Variants in B3GALT1 observed in about 807,000 individuals in gnomAD.
B3GALT1 encodes UDP-Gal:betaGlcNAc beta 1,3-galactosyltransferase, polypeptide 1.
Under a neutral mutation model 23.2 loss-of-function variants are expected in B3GALT1, and 10 were observed. The observed-to-expected ratio is 0.43, with a 90% CI of 0.27 to 0.73. The LOEUF is 0.73. Among genes scored for constraint, B3GALT1 ranks in the 30% least tolerant of loss-of-function variants. B3GALT1 has a pLI of 0.21. For synonymous variants in B3GALT1, 156 were observed against 141.5 expected (o/e 1.10, Z -0.73); for missense variants, 299 against 405.4 (o/e 0.74, Z 2.25).
chr2:167,398,433 ATCTCTCTAT>A (rs1559084923), intron 1 of B3GALT1, among the ~76,000 whole-genome samples: 2 of 151,836 alleles, frequency 1.3e-5, no homozygotes, highest in Non-Finnish European at 2.9e-5. Context: ...CTCTATTGCT[ATCTCTCTAT>A]TCTCCAACAT....
At chr2:167,628,144 G>T (rs13414914) in intron 2 of B3GALT1, among the ~76,000 whole-genome samples, 1,962 of 151,744 alleles carry the variant, frequency 0.013, 63 homozygotes, top group Admixed American at 0.065. Flanking sequence ...CTTTTTCCCA[G>T]TCTGTGGCCT....
intron 2 of B3GALT1, among the ~76,000 whole-genome samples, chr2:167,615,397 G>T (rs756645417): frequency 6.6e-6 from 1 of 151,928 alleles, no homozygotes; most frequent in Non-Finnish European, 1.5e-5. Flanking sequence ...GGAGGGTGAG[G>T]AGAGTAGGAA....
At chr2:167,454,944 T>G (rs1559102268) in intron 1 of B3GALT1, among the ~76,000 whole-genome samples, 1 of 152,182 alleles carries the variant, frequency 6.6e-6, no homozygotes. Context: ...CTGCTGGTTG[T>G]GCATTTCTGT....
At chr2:167,386,475 A>G (rs1406528403) in intron 1 of B3GALT1, among the ~76,000 whole-genome samples, 2 of 152,188 alleles carry the variant, frequency 1.3e-5, no homozygotes, top group African/African-American at 4.8e-5. Context: ...TGTTTTCAAA[A>G]TATGTAACAA....
chr2:167,632,618 C>T (rs1685470556), intron 2 of B3GALT1, among the ~76,000 whole-genome samples: 1 of 151,736 alleles, frequency 6.6e-6, no homozygotes, highest in Non-Finnish European at 1.5e-5. Flanking sequence ...CTGTTTATAT[C>T]CTTTGCCCAC....
chr2:167,714,472 C>G (rs1032466617), intron 3 of B3GALT1: 1 of 1,599,400 alleles, frequency 6.3e-7, no homozygotes, highest in Non-Finnish European at 8.6e-7. Flanking sequence ...GAAAAGCTCT[C>G]GTTTCAGATG....
intron 1 of B3GALT1, among the ~76,000 whole-genome samples, chr2:167,390,264 T>C (rs193291263): frequency 6.6e-6 from 1 of 152,284 alleles, no homozygotes; most frequent in Non-Finnish European, 1.5e-5. Flanking sequence ...ATAGAGTTGC[T>C]CCTGGTGTGG....
chr2:167,832,884 T>C (rs1370401096), intron 4 of B3GALT1, among the ~76,000 whole-genome samples: 1 of 152,188 alleles, frequency 6.6e-6, no homozygotes, highest in Non-Finnish European at 1.5e-5. Flanking sequence ...TACATGAACA[T>C]GGGTTCCTTC....
At chr2:167,625,113 G>GA (rs1045615052) in intron 2 of B3GALT1, among the ~76,000 whole-genome samples, 2 of 151,812 alleles carry the variant, frequency 1.3e-5, no homozygotes, top group African/African-American at 4.8e-5. Flanking sequence ...TGGAACTTCA[G>GA]AAAAAAATTG....
At chr2:167,529,525 TG>T (rs112531614) in intron 2 of B3GALT1, among the ~76,000 whole-genome samples, 4,127 of 150,750 alleles carry the variant, frequency 0.027, 152 homozygotes, top group East Asian at 0.11. Flanking sequence ...GTAACTGAGA[TG>T]GGGACAGCTG....
intron 1 of B3GALT1, among the ~76,000 whole-genome samples, chr2:167,488,521 A>AT (rs1241915834): frequency 7.9e-5 from 12 of 152,268 alleles, no homozygotes; most frequent in Admixed American, 7.2e-4. Flanking sequence ...TGTACAGTTC[A>AT]TCTTAAAGAC....
At chr2:167,465,636 A>G (rs1293990321) in intron 1 of B3GALT1, among the ~76,000 whole-genome samples, 2 of 152,172 alleles carry the variant, frequency 1.3e-5, no homozygotes, top group African/African-American at 4.8e-5. Flanking sequence ...ATACTATTAC[A>G]TTAGTGATAG....
chr2:167,361,212 G>GTT (rs66780629), intron 1 of B3GALT1, among the ~76,000 whole-genome samples: 18 of 104,214 alleles, frequency 1.7e-4, no homozygotes, highest in Admixed American at 3.1e-4. Context: ...TCCCCCACTA[G>GTT]TTTTTTTTTT....
intron 3 of B3GALT1, among the ~76,000 whole-genome samples, chr2:167,742,688 A>G (rs139740042): frequency 2.0e-5 from 3 of 152,312 alleles, no homozygotes; most frequent in Middle Eastern, 3.4e-3. Flanking sequence ...GTATGAGCAC[A>G]GAAATGATGT....
chr2:167,441,094 G>A (rs1698886129), intron 1 of B3GALT1, among the ~76,000 whole-genome samples: 1 of 152,098 alleles, frequency 6.6e-6, no homozygotes. Context: ...TCTGATTATA[G>A]ATTCCCTGGC....
intron 3 of B3GALT1, among the ~76,000 whole-genome samples, chr2:167,789,531 A>G (rs13020412): frequency 0.054 from 8,213 of 152,250 alleles, 284 homozygotes; most frequent in Non-Finnish European, 0.076. Context: ...GTGGATTCCA[A>G]TATAATAATG....
chr2:167,443,775 G>T (rs544876717), intron 1 of B3GALT1, among the ~76,000 whole-genome samples: 10 of 152,130 alleles, frequency 6.6e-5, no homozygotes, highest in Admixed American at 5.9e-4. Context: ...GGGCTGAGAC[G>T]ATGGGGTTTT....
intron 3 of B3GALT1, among the ~76,000 whole-genome samples, chr2:167,721,621 G>A (rs1229619920): frequency 6.6e-6 from 1 of 152,198 alleles, no homozygotes; most frequent in Non-Finnish European, 1.5e-5. Context: ...GGAGAAAACT[G>A]GGGAAAGCTG....
At chr2:167,328,293 C>G (rs1696926623) in intron 1 of B3GALT1, among the ~76,000 whole-genome samples, 1 of 152,088 alleles carries the variant, frequency 6.6e-6, no homozygotes, top group African/African-American at 2.4e-5. Flanking sequence ...TTAGAGAACA[C>G]TGGTGTTAGT....
Sources: allele counts gnomAD v4.1 joint callset (sites outside exome capture counted in the v4.1 genomes callset), GRCh38; gene constraint gnomAD v4.1.1; transcripts MANE v1.5; gene names NCBI Gene and HGNC (gene_info 2026-07-23, HGNC 2026-07-21).